Variants in SLC13A5 observed in about 807,000 individuals in gnomAD.
SLC13A5 encodes solute carrier family 13 member 5.
In SLC13A5, 25 loss-of-function variants were observed where a neutral mutation model predicts 56.5. The ratio of observed to expected loss-of-function variants is 0.44; its 90% CI spans 0.32 to 0.62. The LOEUF (loss-of-function observed/expected upper bound fraction) is 0.62, where lower values mean the gene tolerates loss of function less well. Among genes scored for constraint, SLC13A5 ranks in the 20% least tolerant of loss-of-function variants. SLC13A5 has a pLI of 0.04. For synonymous variants in SLC13A5, 307 were observed against 301.5 expected, an observed-to-expected ratio of 1.02 and a Z score of -0.19; for missense variants, 649 against 737.8, an observed-to-expected ratio of 0.88 and a Z score of 1.39.
intron 6 of SLC13A5, among the ~76,000 whole-genome samples, chr17:6,696,299 C>T (rs1973559076): frequency 6.6e-6 from 1 of 152,214 alleles, no homozygotes; most frequent in Admixed American, 6.5e-5. Flanking sequence ...CCTTCCACCT[C>T]AGCCTGGAGC....
chr17:6,687,619 G>T lies in SLC13A5; in HGVS notation c.1485C>A (p.Thr495=). The change falls in exon 11 of 12, where the codon ACC becomes ACA. Residue 495 remains threonine, a synonymous_variant. Transcript: ENST00000433363. This position sits in a 1 kb window ranked among gnomAD's most constrained non-coding sequence, Gnocchi z 5.0. The part of the protein sequence containing the change: ...LNPLYIMLPC[T]LSASFAFMLP... Reference sequence around the variant, plus strand: ...ACATGAAGGCAAAGGAGGCACTCAGGGTACAGGGCAGCATGATGTACAGCG... The same window carrying T: ...ACATGAAGGCAAAGGAGGCACTCAGTGTACAGGGCAGCATGATGTACAGCG... 1 of 1,613,560 alleles carries T rather than the reference G, an allele frequency of 6.2e-7. No individual in the cohort carries two copies.
rs218672 is a variant in SLC13A5 at position 6,701,616 on chromosome 17, G to A, written c.717-490C>T. On this transcript the variant is annotated intron_variant, in intron 5 of 11. Coordinates refer to ENST00000433363, the MANE Select transcript of SLC13A5 (RefSeq NM_177550.5). The surrounding 1 kb of genome is among the most constrained non-coding windows in gnomAD (Gnocchi z 4.1). ...TCCCAGCTAATAGGGAGGCTGAAGC[G>A]GGAGAATCGCTTGAACCCAGGAGGC... 0.48 allele frequency among the ~76,000 whole-genome samples: 72,285 copies of A among 152,072 alleles called. 17,931 individuals are homozygous for A. Among genetic ancestry groups the A allele is most frequent in the African/African-American group, 0.61 (25,429 of 41,488 alleles).
chr17:6,700,050 C>A (rs1193017636), intron 6 of SLC13A5, among the ~76,000 whole-genome samples: 1 of 152,194 alleles, frequency 6.6e-6, no homozygotes, highest in African/African-American at 2.4e-5. Flanking sequence ...CCTCTGGTCA[C>A]AAATTCCCCT....
intron 6 of SLC13A5, among the ~76,000 whole-genome samples, chr17:6,697,245 G>T (rs1353986504): frequency 6.6e-6 from 1 of 152,160 alleles, no homozygotes; most frequent in African/African-American, 2.4e-5. Context: ...AGACCCTGGG[G>T]CTCAGCCAGG....
rs1342904938 is a variant in SLC13A5, at chr17:6,701,798, C to T, written c.717-672G>A. Among the ~76,000 whole-genome samples, 2 of 152,232 alleles carry T rather than the reference C, an allele frequency of 1.3e-5. No homozygotes were observed. Among genetic ancestry groups the T allele is most frequent in the African/African-American group, 4.8e-5 (2 of 41,462 alleles). ...GGATCTGCAGAGACCTCAGCAATCT[C>T]GCTCTGTGGGTTTCTGCAAAGAACG... is the stretch of plus-strand genomic sequence containing the variant. On this transcript the variant is annotated intron_variant, in intron 5 of 11. Coordinates refer to ENST00000433363, the MANE Select transcript of SLC13A5 (RefSeq NM_177550.5). The surrounding 1 kb of genome is among the most constrained non-coding windows in gnomAD (Gnocchi z 4.1).
At position 6,711,549 on chromosome 17, in the gene SLC13A5, TGTG is replaced by T. The variant is rs1567627736; in HGVS notation, c.102+1680_102+1682del. Reference sequence around the variant, plus strand: ...TTGTGTTTTTTGTGTGTTTTGTGTGTGTGTTTGTGTGTGTGTTTGTGTGTCTGT... The same window carrying T: ...TTGTGTTTTTTGTGTGTTTTGTGTGTTTTGTGTGTGTGTTTGTGTGTCTGT... On this transcript the variant is annotated intron_variant, in intron 1 of 11. Coordinates refer to ENST00000433363, the MANE Select transcript of SLC13A5 (RefSeq NM_177550.5). This position sits in a 1 kb window ranked among gnomAD's most constrained non-coding sequence, Gnocchi z 4.0. 9.1e-6 allele frequency among the ~76,000 whole-genome samples: 1 copy of T among 109,618 alleles called. No homozygotes were observed. 71.9% of individuals were successfully genotyped at this position (109,618 alleles called of 152,430 possible). A position where few individuals can be genotyped will look rare whatever the true frequency, so the allele number is the denominator to read the frequency against.
In SLC13A5 at chr17:6,687,590, G is replaced by A. The variant is rs936922976; in HGVS notation, c.1514C>T (p.Pro505Leu). 6.2e-6 allele frequency: 10 copies of A among 1,613,820 alleles called. No individual in the cohort carries two copies. Among genetic ancestry groups the A allele is most frequent in the African/African-American group, 1.3e-5 (1 of 74,924 alleles). Reference protein sequence around the residue: ...TLSASFAFMLPVATPPNAIVF... With the variant: ...TLSASFAFMLLVATPPNAIVF... The stretch of plus-strand genomic sequence containing the variant: ...GATGGCATTTGGAGGGGTGGCCACA[G>A]GCAACATGAAGGCAAAGGAGGCACT... The change falls in exon 11 of 12, where the codon CCT becomes CTT. Residue 505 changes from proline to leucine, a missense_variant. Transcript: ENST00000433363. The surrounding 1 kb of genome is among the most constrained non-coding windows in gnomAD (Gnocchi z 5.0).
intron 1 of SLC13A5, among the ~76,000 whole-genome samples, chr17:6,712,514 G>C (rs1030046069): frequency 6.6e-6 from 1 of 152,218 alleles, no homozygotes; most frequent in Non-Finnish European, 1.5e-5. Context: ...TCCAGGTCCT[G>C]CCACCCAAGG....
rs192811794 is a variant in SLC13A5, at chr17:6,706,458, T to G, written c.368+184A>C. Among the ~76,000 whole-genome samples the G allele has an allele frequency of 5.3e-4, 81 of 152,316 alleles. 1 individual carries two copies. The South Asian group carries it at 8.3e-3, about 16-fold the overall frequency. On this transcript the variant is annotated intron_variant, in intron 3 of 11. Transcript: ENST00000433363. Reference sequence around the variant, plus strand: ...CCCTTACTTACTGCTGCTCACCATGTGCCACCACCACGCATGCATCTGGTC... The same window carrying G: ...CCCTTACTTACTGCTGCTCACCATGGGCCACCACCACGCATGCATCTGGTC...
At chr17:6,709,745 G>A (rs1364474156) in intron 1 of SLC13A5, among the ~76,000 whole-genome samples, 1 of 152,160 alleles carries the variant, frequency 6.6e-6, no homozygotes. Flanking sequence ...TCAGGGTTGT[G>A]TTATCAGCCA....
intron 7 of SLC13A5, chr17:6,695,364 G>T (rs907304902): frequency 2.2e-5 from 4 of 178,456 alleles, no homozygotes; most frequent in Non-Finnish European, 3.6e-5. Flanking sequence ...CAGCATTTAG[G>T]CACTAGTGCA....
In SLC13A5 at chr17:6,687,311, C is replaced by T; in HGVS notation, c.1575+218G>A. The stretch of plus-strand genomic sequence containing the variant: ...CTTCTCCAGGTGGGAGAGTCTATAA[C>T]CCACCTCAGAGAAAGAACAGTGTGT... On this transcript the variant is annotated intron_variant, in intron 11 of 11. Transcript: ENST00000433363. This position sits in a 1 kb window ranked among gnomAD's most constrained non-coding sequence, Gnocchi z 5.0. The T allele has an allele frequency of 1.6e-6, 1 of 616,040 alleles. No homozygotes were observed. Among genetic ancestry groups the T allele is most frequent in the Non-Finnish European group, 2.7e-6 (1 of 376,994 alleles). The allele number at this position is 616,040 out of a possible 1,614,324, so 38.2% of individuals were successfully genotyped here.
rs1490203943 is a variant in SLC13A5, at chr17:6,684,805, T to C, written c.*1402A>G. On this transcript the variant is annotated 3_prime_UTR_variant, in exon 12 of 12. Coordinates refer to ENST00000433363, the MANE Select transcript of SLC13A5 (RefSeq NM_177550.5). ...CCCACCCAAGGAACCAGACACATAC[T>C]CGGTCCTTGATGGGGTTTCCTGAGG... The C allele has an allele frequency of 1.3e-5, 2 of 152,218 alleles. No homozygotes were observed. Among genetic ancestry groups the C allele is most frequent in the Non-Finnish European group, 2.9e-5 (2 of 68,054 alleles). The allele number at this position is 152,218 out of a possible 1,614,324, so 9.4% of individuals were successfully genotyped here. A position where few individuals can be genotyped will look rare whatever the true frequency, so the allele number is the denominator to read the frequency against.
At chr17:6,707,355 C>T (rs1016139242) in intron 1 of SLC13A5, among the ~76,000 whole-genome samples, 199 bp from the exon 2 acceptor site, 3 of 152,186 alleles carry the variant, frequency 2.0e-5, no homozygotes, top group South Asian at 2.1e-4. Context: ...CAAAGGACTC[C>T]TGCCCCATTC....
chr17:6,712,182 A>T (rs1356684133), intron 1 of SLC13A5, among the ~76,000 whole-genome samples: 1 of 152,082 alleles, frequency 6.6e-6, no homozygotes, highest in Admixed American at 6.5e-5. Flanking sequence ...TGGCTTCCTG[A>T]CACCCCAGTG....
intron 11 of SLC13A5, 194 bp from the exon 12 acceptor site, chr17:6,686,532 A>G: frequency 1.6e-6 from 1 of 611,920 alleles, no homozygotes; most frequent in South Asian, 2.0e-5. Context: ...ATCCCTGGGA[A>G]GTAGGCAGAG....
chr17:6,709,377 C>T (rs1354411769), intron 1 of SLC13A5, among the ~76,000 whole-genome samples: 2 of 152,238 alleles, frequency 1.3e-5, no homozygotes, highest in East Asian at 3.9e-4. Flanking sequence ...TCAAGCGATT[C>T]TCCTGCCTCA....
At chr17:6,703,438 T>C (rs1307205175) in intron 4 of SLC13A5, among the ~76,000 whole-genome samples, 2 of 152,204 alleles carry the variant, frequency 1.3e-5, no homozygotes, top group Non-Finnish European at 2.9e-5. Context: ...TCGTCTTCCC[T>C]GAGCTTCGCA....
chr17:6,693,705 G>A (rs371001054), intron 8 of SLC13A5: 1 of 161,036 alleles, frequency 6.2e-6, no homozygotes, highest in African/African-American at 2.4e-5. Context: ...ATCAAAAGTG[G>A]TAGAAGAAAC....
Sources: allele counts gnomAD v4.1 joint callset (sites outside exome capture counted in the v4.1 genomes callset), GRCh38; gene constraint gnomAD v4.1.1; non-coding constraint Gnocchi (gnomAD v3.1); transcripts MANE v1.5; gene names NCBI Gene and HGNC (gene_info 2026-07-23, HGNC 2026-07-21).